The following CYB5R4 variants were observed in gnomAD, a reference collection of about 807,000 sequenced individuals.
CYB5R4 encodes the protein cytochrome b5 reductase 4, also known as N-terminal cytochrome b5 and cytochrome b5 oxidoreductase domain-containing protein.
CYB5R4 carries 55 observed loss-of-function variants against 70.2 expected under a neutral mutation model. The ratio of observed to expected loss-of-function variants is 0.78; its 90% CI spans 0.63 to 0.98. The LOEUF (loss-of-function observed/expected upper bound fraction) is 0.98, where lower values mean the gene tolerates loss of function less well. Ranked by LOEUF, CYB5R4 falls within the 50% of genes least tolerant of loss-of-function variation. The pLI, the probability that CYB5R4 is intolerant of heterozygous loss-of-function variation, is 0.00. For missense variants in CYB5R4, 562 were observed against 612.6 expected (o/e 0.92, Z 0.87); for synonymous variants, 197 against 199.5 (o/e 0.99, Z 0.11).
rs959256670 is a variant in CYB5R4 at position 83,907,236 on chromosome 6, T to G, written c.331-1773T>G. The stretch of plus-strand genomic sequence containing the variant: ...GATTACAGGCATGAGCCACCCCACC[T>G]TAAAATTATTCCTGGCCTATTTTAA... On this transcript the variant is annotated intron_variant, in intron 3 of 15. Transcript: ENST00000369681. Among the ~76,000 whole-genome samples, 9 of 152,230 alleles carry G rather than the reference T, an allele frequency of 5.9e-5. 1 individual carries two copies. The highest frequency in any genetic ancestry group is 2.2e-4 in the African/African-American group (9 of 41,558).
In CYB5R4 at chr6:83,859,689, G is replaced by C. The variant is rs988892187; in HGVS notation, c.-94G>C. 6 of 1,406,682 alleles carry C rather than the reference G, an allele frequency of 4.3e-6. No homozygotes were observed. Among genetic ancestry groups the C allele is most frequent in the South Asian group, 1.2e-5 (1 of 83,212 alleles). 87.1% of individuals were successfully genotyped at this position (1,406,682 alleles called of 1,614,324 possible). Reference sequence around the variant, plus strand: ...CCTGGCGACCCCGGAAGTGGGTCGGGGGCTTGGCCTCTGCCCGGCCACAGA... The same window carrying C: ...CCTGGCGACCCCGGAAGTGGGTCGGCGGCTTGGCCTCTGCCCGGCCACAGA... On this transcript the variant is annotated 5_prime_UTR_variant, in exon 1 of 16. Transcript: ENST00000369681.
At chr6:83,894,750 T>G (rs1225883592) in intron 3 of CYB5R4, among the ~76,000 whole-genome samples, 1 of 151,688 alleles carries the variant, frequency 6.6e-6, no homozygotes, top group Non-Finnish European at 1.5e-5. Flanking sequence ...AAGAAAATGC[T>G]ATTAAGAAAA....
chr6:83,937,755 A>T (rs2099469152), intron 12 of CYB5R4, among the ~76,000 whole-genome samples: 1 of 152,180 alleles, frequency 6.6e-6, no homozygotes, highest in Non-Finnish European at 1.5e-5. Context: ...CTAACCTTAG[A>T]TGATTGGCCC....
intron 3 of CYB5R4, among the ~76,000 whole-genome samples, chr6:83,907,769 G>A (rs901179700): frequency 6.6e-6 from 1 of 152,122 alleles, no homozygotes; most frequent in Admixed American, 6.5e-5. Flanking sequence ...AAGGATAATG[G>A]CCTCCAGCTC....
intron 15 of CYB5R4, 129 bp downstream of exon 15, chr6:83,955,591 CA>C (rs542406045): frequency 5.6e-6 from 5 of 892,772 alleles, no homozygotes; most frequent in Non-Finnish European, 6.4e-6. Context: ...TAGAAAATAA[CA>C]AAGTCTTTAA....
At chr6:83,871,191 G>C (rs1226072097) in intron 2 of CYB5R4, among the ~76,000 whole-genome samples, 1 of 151,940 alleles carries the variant, frequency 6.6e-6, no homozygotes, top group Non-Finnish European at 1.5e-5. Flanking sequence ...TGTTGGCCAG[G>C]CTGGTCTGGA....
chr6:83,873,694 G>T lies in CYB5R4; in HGVS notation c.229+9366G>T, dbSNP rs1343962352. 2.0e-5 allele frequency among the ~76,000 whole-genome samples: 3 copies of T among 152,192 alleles called. No homozygotes were observed. The East Asian group carries it at 5.8e-4, about 29-fold the overall frequency. Reference sequence around the variant, plus strand: ...TATTTCTCAAGGGTCTGCTATGCGTGTGCATTACACCAGGTTCTGGAGGGT... The same window carrying T: ...TATTTCTCAAGGGTCTGCTATGCGTTTGCATTACACCAGGTTCTGGAGGGT... On this transcript the variant is annotated intron_variant, in intron 2 of 15. Coordinates refer to ENST00000369681, the MANE Select transcript of CYB5R4 (RefSeq NM_016230.4).
At chr6:83,879,924 G>A (rs950935382) in intron 2 of CYB5R4, among the ~76,000 whole-genome samples, 1 of 152,126 alleles carries the variant, frequency 6.6e-6, no homozygotes, top group Non-Finnish European at 1.5e-5. Context: ...AGGGGTTCAT[G>A]TGGTTCATCT....
At chr6:83,893,013 C>G (rs1446015308) in intron 2 of CYB5R4, among the ~76,000 whole-genome samples, 1 of 152,162 alleles carries the variant, frequency 6.6e-6, no homozygotes, top group Non-Finnish European at 1.5e-5. Flanking sequence ...TGTGAACAAC[C>G]TTGAATGTTA....
At chr6:83,912,662 A>T (rs965324755) in intron 4 of CYB5R4, among the ~76,000 whole-genome samples, 1 of 152,268 alleles carries the variant, frequency 6.6e-6, no homozygotes, top group Non-Finnish European at 1.5e-5. Flanking sequence ...GGAATTAGTT[A>T]CCAAGAGAAA....
At chr6:83,944,300 A>T (rs1460495841) in intron 14 of CYB5R4, among the ~76,000 whole-genome samples, 1 of 152,228 alleles carries the variant, frequency 6.6e-6, no homozygotes. Context: ...TAAAGAAAAG[A>T]GTTTTTAATC....
chr6:83,958,909 A>T (rs1364316304), intron 15 of CYB5R4, among the ~76,000 whole-genome samples: 1 of 152,216 alleles, frequency 6.6e-6, no homozygotes, highest in African/African-American at 2.4e-5. Flanking sequence ...GTGGTAAAAA[A>T]GTAGTTATTA....
intron 2 of CYB5R4, among the ~76,000 whole-genome samples, chr6:83,885,739 T>C (rs2099460152): frequency 6.6e-6 from 1 of 152,170 alleles, no homozygotes; most frequent in South Asian, 2.1e-4. Flanking sequence ...GCTTTTCTTC[T>C]CTGTGGAGAG....
At chr6:83,884,087 A>G (rs1284043956) in intron 2 of CYB5R4, among the ~76,000 whole-genome samples, 1 of 151,426 alleles carries the variant, frequency 6.6e-6, no homozygotes, top group Admixed American at 6.6e-5. Context: ...GATTAGTAAA[A>G]TCTCCCATAT....
At chr6:83,931,802 TA>T (rs1217897643) in intron 10 of CYB5R4, among the ~76,000 whole-genome samples, 65 of 118,658 alleles carry the variant, frequency 5.5e-4, no homozygotes, top group African/African-American at 1.6e-3. Context: ...TATATATATA[TA>T]TTTTTTTTTT....
intron 3 of CYB5R4, among the ~76,000 whole-genome samples, chr6:83,898,561 G>T (rs1316368436): frequency 6.6e-6 from 1 of 152,134 alleles, no homozygotes; most frequent in Non-Finnish European, 1.5e-5. Flanking sequence ...GGGCAGTATG[G>T]CCATTTTCAC....
chr6:83,903,328 T>C (rs2099463294), intron 3 of CYB5R4, among the ~76,000 whole-genome samples: 1 of 152,130 alleles, frequency 6.6e-6, no homozygotes, highest in Non-Finnish European at 1.5e-5. Flanking sequence ...ATTTACTAAT[T>C]TGTGTGTATG....
chr6:83,908,736 A>G (rs982948083), intron 3 of CYB5R4, among the ~76,000 whole-genome samples: 2 of 152,176 alleles, frequency 1.3e-5, no homozygotes, highest in African/African-American at 4.8e-5. Context: ...GTAACTTTTT[A>G]TTAGTATTAT....
At chr6:83,870,099 C>T (rs1396532085) in intron 2 of CYB5R4, among the ~76,000 whole-genome samples, 2 of 152,176 alleles carry the variant, frequency 1.3e-5, no homozygotes, top group Admixed American at 6.5e-5. Flanking sequence ...CAGCAACACA[C>T]ATTAAACAAG....
Sources: gnomAD v4.1 joint callset for allele counts (sites outside exome capture counted in the v4.1 genomes callset) on GRCh38, gnomAD v4.1.1 for gene constraint, MANE v1.5 for transcripts, NCBI Gene and HGNC (gene_info 2026-07-23, HGNC 2026-07-21) for gene names.